Variants in MALRD1 observed in about 807,000 individuals in gnomAD.
The protein encoded by MALRD1 is MAM and LDL receptor class A domain containing 1.
MALRD1 carries 247 observed loss-of-function variants against 242.1 expected under a neutral mutation model. The observed-to-expected ratio is 1.02, with a 90% CI of 0.92 to 1.13. The LOEUF is 1.13. Ranked by LOEUF, MALRD1 falls within the 50% of genes most tolerant of loss-of-function variation. MALRD1 has a pLI of 0.00. For synonymous variants in MALRD1, 995 were observed against 866.6 expected (o/e 1.15, Z -2.60); for missense variants, 2,989 against 2,533.1 (o/e 1.18, Z -3.86).
intron 32 of MALRD1, among the ~76,000 whole-genome samples, chr10:19,537,917 G>T (rs1418884817): frequency 1.3e-5 from 2 of 152,136 alleles, no homozygotes; most frequent in Non-Finnish European, 1.5e-5. Context: ...GATTTCAGAA[G>T]TCCAGGGCAA....
At chr10:19,615,978 AT>A (rs1839139375) in intron 36 of MALRD1, 55 bp downstream of exon 36, 1 of 1,287,882 alleles carries the variant, frequency 7.8e-7, no homozygotes, top group Non-Finnish European at 1.1e-6. Flanking sequence ...TGGCTTACTT[AT>A]TTTTCTATAG....
chr10:19,267,030 T>C (rs546139605), intron 19 of MALRD1, among the ~76,000 whole-genome samples: 1 of 152,212 alleles, frequency 6.6e-6, no homozygotes, highest in Non-Finnish European at 1.5e-5. Flanking sequence ...AATTATATTT[T>C]CTTCAGCTGA....
At chr10:19,491,322 A>T in intron 29 of MALRD1, 195 bp from the exon 30 acceptor site, 1 of 734,136 alleles carries the variant, frequency 1.4e-6, no homozygotes, top group East Asian at 3.6e-5. Context: ...ATATTTCAGA[A>T]GTAGAGTCTA....
chr10:19,688,446 AAAG>A (rs1326008811), intron 36 of MALRD1, among the ~76,000 whole-genome samples: 1 of 151,580 alleles, frequency 6.6e-6, no homozygotes, highest in East Asian at 1.9e-4. Flanking sequence ...GAATTTTTGT[AAAG>A]AAGGTCTCTC....
intron 4 of MALRD1, among the ~76,000 whole-genome samples, chr10:19,099,267 G>C (rs1265515575): frequency 6.6e-6 from 1 of 152,078 alleles, no homozygotes; most frequent in Non-Finnish European, 1.5e-5. Flanking sequence ...CTGCTTTTTG[G>C]TAGAAGGGAA....
At chr10:19,342,872 A>G (rs1465873412) in intron 24 of MALRD1, among the ~76,000 whole-genome samples, 1 of 152,076 alleles carries the variant, frequency 6.6e-6, no homozygotes, top group South Asian at 2.1e-4. Flanking sequence ...AAGTCTTAGG[A>G]TAATATTTTC....
At position 19,235,320 on chromosome 10, in the gene MALRD1, T is replaced by C. The variant is rs185184579; in HGVS notation, c.2992-22364T>C. 5.9e-5 allele frequency among the ~76,000 whole-genome samples: 9 copies of C among 152,238 alleles called. No individual in the cohort carries two copies. The East Asian group carries it at 1.2e-3, about 20-fold the overall frequency. On this transcript the variant is annotated intron_variant, in intron 18 of 39. Transcript: ENST00000454679. ...TTAATAATAGCCATTCCAACCGGTA[T>C]GAAATGGTATCTCATTGTGTTTTGA...
chr10:19,448,201 T>C (rs918116876), intron 28 of MALRD1, among the ~76,000 whole-genome samples: 1 of 152,174 alleles, frequency 6.6e-6, no homozygotes, highest in East Asian at 1.9e-4. Flanking sequence ...CCTCTTTAGC[T>C]TTTATTCTTT....
intron 14 of MALRD1, 80 bp downstream of exon 14, chr10:19,175,408 A>T: frequency 1.9e-6 from 2 of 1,036,786 alleles, no homozygotes; most frequent in Non-Finnish European, 2.4e-6. Flanking sequence ...AATGTATTAG[A>T]GTCACGAATA....
chr10:19,227,359 G>A (rs867492807), intron 18 of MALRD1, among the ~76,000 whole-genome samples: 21 of 151,992 alleles, frequency 1.4e-4, no homozygotes, highest in South Asian at 4.2e-4. Context: ...CAAAGTTGCC[G>A]AAATAATTCA....
chr10:19,664,712 ATAAT>A (rs1440730003), intron 36 of MALRD1, among the ~76,000 whole-genome samples: 1 of 151,810 alleles, frequency 6.6e-6, no homozygotes, highest in Non-Finnish European at 1.5e-5. Flanking sequence ...TTTATTATAA[ATAAT>A]TTAAAAATTC....
chr10:19,365,659 TAAA>T lies in MALRD1; in HGVS notation c.4441+13389_4441+13391del, dbSNP rs199989681. Among the ~76,000 whole-genome samples the T allele has an allele frequency of 8.5e-3, 1,046 of 122,830 alleles. 15 individuals are homozygous for T. Among genetic ancestry groups the T allele is most frequent in the African/African-American group, 0.029 (982 of 34,340 alleles). 80.6% of individuals were successfully genotyped at this position (122,830 alleles called of 152,430 possible). A position where few individuals can be genotyped will look rare whatever the true frequency, so the allele number is the denominator to read the frequency against. On this transcript the variant is annotated intron_variant, in intron 26 of 39. Coordinates refer to ENST00000454679, the MANE Select transcript of MALRD1 (RefSeq NM_001142308.3). ...GATAATTGACATGTTTTATAAATTC[TAAA>T]AAAAAAAAAAAAAAAAAAAAAAAAA...
At chr10:19,085,989 C>A (rs1333707394) in intron 2 of MALRD1, among the ~76,000 whole-genome samples, 1 of 151,940 alleles carries the variant, frequency 6.6e-6, no homozygotes, top group African/African-American at 2.4e-5. Flanking sequence ...TGATTAGTCA[C>A]TTGCTTAACA....
intron 36 of MALRD1, among the ~76,000 whole-genome samples, chr10:19,630,335 T>C (rs1839850072): frequency 6.6e-6 from 1 of 152,160 alleles, no homozygotes; most frequent in Non-Finnish European, 1.5e-5. Context: ...GCATCCAGAA[T>C]GAAAACATAT....
intron 18 of MALRD1, among the ~76,000 whole-genome samples, chr10:19,211,012 G>A (rs1199876277): frequency 1.3e-5 from 2 of 152,206 alleles, no homozygotes; most frequent in Non-Finnish European, 2.9e-5. Flanking sequence ...TGGAAAGGAA[G>A]TCCTTTGACT....
rs75100381 is a variant in MALRD1, at chr10:19,179,094, A to T, written c.1951+3766A>T. 0.016 allele frequency among the ~76,000 whole-genome samples: 2,431 copies of T among 152,320 alleles called. 103 individuals carry two copies. The East Asian group carries it at 0.18, about 11-fold the overall frequency. ...ATATATGCAGGATAGCGCTCAAAAC[A>T]CAAGAGCAAGGATGTATCTAGCCAG... On this transcript the variant is annotated intron_variant, in intron 14 of 39. Transcript: ENST00000454679.
chr10:19,200,156 A>G (rs1381433190), intron 14 of MALRD1, among the ~76,000 whole-genome samples: 3 of 152,116 alleles, frequency 2.0e-5, no homozygotes, highest in Non-Finnish European at 4.4e-5. Flanking sequence ...AACAGGGACA[A>G]TAATATTTTC....
Position 19,324,083 on chromosome 10 carries a change from G to C in MALRD1, c.3554G>C (p.Gly1185Ala). The change falls in exon 22 of 40, where the codon GGG becomes GCG. Residue 1185 changes from glycine to alanine, a missense_variant. Physicochemically the swap from Gly to Ala is moderately conservative, Grantham distance 60. Transcript: ENST00000454679. ...TTGGTGTTCTGGACACATATGAATG[G>C]GGCCACCGTTGGTTCTCTCCAGGTA... is the stretch of plus-strand genomic sequence containing the variant. ...CTLVFWTHMN[G>A]ATVGSLQVLI... 1.3e-6 allele frequency: 2 copies of C among 1,550,168 alleles called. No individual in the cohort carries two copies. Among genetic ancestry groups the C allele is most frequent in the Non-Finnish European group, 1.7e-6 (2 of 1,146,704 alleles).
At chr10:19,216,959 T>A (rs3044194) in intron 18 of MALRD1, among the ~76,000 whole-genome samples, 18,864 of 144,010 alleles carry the variant, frequency 0.13, 2,089 homozygotes, top group East Asian at 0.36. Flanking sequence ...AAAAAAAAAA[T>A]AAAAATAAAA....
Sources: allele counts gnomAD v4.1 joint callset (sites outside exome capture counted in the v4.1 genomes callset), GRCh38; gene constraint gnomAD v4.1.1; transcripts MANE v1.5; gene names NCBI Gene and HGNC (gene_info 2026-07-23, HGNC 2026-07-21).